Variants in OPA3 observed in about 807,000 individuals in gnomAD.
OPA3 encodes the protein outer mitochondrial membrane lipid metabolism regulator OPA3.
A neutral mutation model predicts 4.0 loss-of-function variants in OPA3; 6 were observed. The ratio of observed to expected loss-of-function variants is 1.51; its 90% CI spans 0.83 to 2.99. The LOEUF (loss-of-function observed/expected upper bound fraction) is 2.99, where lower values mean the gene tolerates loss of function less well. OPA3 is among the 30% of genes most tolerant of loss of function. OPA3 has a pLI of 0.00. For missense variants in OPA3, 235 were observed against 256.2 expected, an observed-to-expected ratio of 0.92 and a Z score of 0.56; for synonymous variants, 105 against 117.1, an observed-to-expected ratio of 0.90 and a Z score of 0.67.
At chr19:45,566,354 T>C (rs1969582147) in intron 1 of OPA3, among the ~76,000 whole-genome samples, 1 of 152,144 alleles carries the variant, frequency 6.6e-6, no homozygotes, top group Non-Finnish European at 1.5e-5. Context: ...TCTGCCATGT[T>C]GGCCAGGCTG....
intron 1 of OPA3, among the ~76,000 whole-genome samples, chr19:45,558,976 C>T (rs557615776): frequency 6.6e-5 from 10 of 152,198 alleles, no homozygotes; most frequent in South Asian, 6.2e-4. Context: ...CTCTGCCTCC[C>T]GGGTTCGAGT....
chr19:45,535,820 A>G lies in OPA3; in HGVS notation c.143-6364T>C, dbSNP rs551285762. Among the ~76,000 whole-genome samples the G allele has an allele frequency of 3.5e-5, 5 of 144,552 alleles. No homozygotes were observed. In the East Asian group the frequency reaches 8.0e-4, roughly 23 times the overall value. 94.8% of individuals were successfully genotyped at this position (144,552 alleles called of 152,430 possible). ...CACCCTGTCACCCAGGCTGGAGTGC[A>G]ATAGCACAATTATAGCTCACTATAG... On this transcript the variant is annotated intron_variant, in intron 1 of 1. Coordinates refer to the OPA3 transcript ENST00000323060.
intron 1 of OPA3, among the ~76,000 whole-genome samples, chr19:45,580,056 G>C (rs1030420042): frequency 6.6e-5 from 10 of 150,736 alleles, no homozygotes; most frequent in Non-Finnish European, 1.3e-4. Flanking sequence ...GAGTGTAGTG[G>C]CACGATCTCG....
At chr19:45,535,909 T>G (rs1273354472) in intron 1 of OPA3, among the ~76,000 whole-genome samples, 2 of 151,686 alleles carry the variant, frequency 1.3e-5, no homozygotes, top group African/African-American at 4.8e-5. Context: ...GGACTAAAGG[T>G]GCCTGCTGCC....
At chr19:45,541,421 T>G (rs539494542), downstream of OPA3, among the ~76,000 whole-genome samples, 1 of 152,122 alleles carries the variant, frequency 6.6e-6, no homozygotes, top group East Asian at 1.9e-4. Flanking sequence ...CTCATTTAAT[T>G]GGGGCCTGGT....
Position 45,551,802 on chromosome 19 carries a change from AG to A in OPA3, c.*1711del. 1.4e-5 allele frequency: 14 copies of A among 985,568 alleles called. No individual in the cohort carries two copies. The highest frequency in any genetic ancestry group is 1.7e-5 in the Non-Finnish European group (14 of 830,022). 61.1% of individuals were successfully genotyped at this position (985,568 alleles called of 1,614,324 possible). ...TGAAGACAGGCTGTCGGGTCAGTCCAGAGCTCCGAGGAAAGAAAGCAAGAGC... is the reference window on the plus strand; with the variant it reads ...TGAAGACAGGCTGTCGGGTCAGTCCAAGCTCCGAGGAAAGAAAGCAAGAGC... On this transcript the variant is annotated 3_prime_UTR_variant, in exon 2 of 2. Transcript: ENST00000263275.
At chr19:45,562,773 A>G (rs1003122946) in intron 1 of OPA3, among the ~76,000 whole-genome samples, 1 of 152,220 alleles carries the variant, frequency 6.6e-6, no homozygotes, top group African/African-American at 2.4e-5. Context: ...AAAGGACACC[A>G]GTGGAAACAC....
intron 1 of OPA3, among the ~76,000 whole-genome samples, chr19:45,560,004 C>T (rs1969481007): frequency 6.6e-6 from 1 of 152,096 alleles, no homozygotes; most frequent in Admixed American, 6.6e-5. Flanking sequence ...GGGAGAATGG[C>T]AATGACAGAG....
chr19:45,548,763 G>T lies in OPA3; in HGVS notation c.*4751C>A. The T allele has an allele frequency of 1.0e-6, 1 of 971,894 alleles. No homozygotes were observed. Among genetic ancestry groups the T allele is most frequent in the Non-Finnish European group, 1.2e-6 (1 of 818,238 alleles). The allele number at this position is 971,894 out of a possible 1,614,324, so 60.2% of individuals were successfully genotyped here. ...TTTTTGAGTGAAAGAATAAATAAAG[G>T]ATATTTTTCCTAAGGTTGACATGGA... On this transcript the variant is annotated 3_prime_UTR_variant, in exon 2 of 2. Transcript: ENST00000263275.
chr19:45,569,949 G>A (rs1969636799), intron 1 of OPA3, among the ~76,000 whole-genome samples: 1 of 152,162 alleles, frequency 6.6e-6, no homozygotes, highest in South Asian at 2.1e-4. Context: ...TTGATTTAAG[G>A]TTTGATTGAC....
chr19:45,538,990 G>A (rs1969153000), intron 1 of OPA3, among the ~76,000 whole-genome samples: 1 of 152,226 alleles, frequency 6.6e-6, no homozygotes, highest in African/African-American at 2.4e-5. Context: ...AATCATGGCA[G>A]AAGGCAAAGG....
intron 1 of OPA3, 180 bp downstream of exon 1, chr19:45,584,443 G>A (rs1318851300): frequency 1.1e-6 from 1 of 905,818 alleles, no homozygotes; most frequent in East Asian, 1.3e-4. Flanking sequence ...CTTACGCCCC[G>A]CCCCGCCCTC....
chr19:45,553,131 A>G lies in OPA3; in HGVS notation c.*383T>C. ...AGAAGGTGTTCCAGTGTAACAGATGAGTGTCCCAGTAAAGGTTAACACTGA... is the reference window on the plus strand; with the variant it reads ...AGAAGGTGTTCCAGTGTAACAGATGGGTGTCCCAGTAAAGGTTAACACTGA... On this transcript the variant is annotated 3_prime_UTR_variant, in exon 2 of 2. Transcript: ENST00000263275. 1.9e-5 allele frequency: 23 copies of G among 1,184,090 alleles called. No individual in the cohort carries two copies. Among genetic ancestry groups the G allele is most frequent in the Non-Finnish European group, 2.4e-5 (23 of 948,422 alleles). 73.3% of individuals were successfully genotyped at this position (1,184,090 alleles called of 1,614,324 possible).
Position 45,552,009 on chromosome 19 carries a change from G to C in OPA3, c.*1505C>G. On this transcript the variant is annotated 3_prime_UTR_variant, in exon 2 of 2. Transcript: ENST00000263275. Reference sequence around the variant, plus strand: ...GGAAAATAGGGGGCTGAGGCTGAAGGACAGGCTGGATTAGCCCTAGTTAGG... The same window carrying C: ...GGAAAATAGGGGGCTGAGGCTGAAGCACAGGCTGGATTAGCCCTAGTTAGG... 4 of 985,608 alleles carry C rather than the reference G, an allele frequency of 4.1e-6. No individual in the cohort carries two copies. The highest frequency in any genetic ancestry group is 4.8e-6 in the Non-Finnish European group (4 of 830,104). The allele number at this position is 985,608 out of a possible 1,614,324, so 61.1% of individuals were successfully genotyped here. A position where few individuals can be genotyped will look rare whatever the true frequency, so the allele number is the denominator to read the frequency against.
At chr19:45,570,989 G>A (rs1969656970) in intron 1 of OPA3, among the ~76,000 whole-genome samples, 2 of 114,828 alleles carry the variant, frequency 1.7e-5, no homozygotes, top group Admixed American at 9.1e-5. Context: ...GGGGGGGGGG[G>A]GCATGAATAA....
intron 1 of OPA3, among the ~76,000 whole-genome samples, chr19:45,540,013 G>A (rs1244208626): frequency 6.6e-6 from 1 of 152,038 alleles, no homozygotes; most frequent in East Asian, 1.9e-4. Context: ...TCATCAAATC[G>A]TACTCTTAAA....
rs112948303 is a variant in OPA3 at position 45,546,499 on chromosome 19, C to T, written c.*7015G>A. 11,353 of 475,044 alleles carry T rather than the reference C, an allele frequency of 0.024. 363 individuals carry two copies. Among genetic ancestry groups the T allele is most frequent in the East Asian group, 0.2 (1,274 of 6,232 alleles). The allele number at this position is 475,044 out of a possible 1,614,324, so 29.4% of individuals were successfully genotyped here. Reference sequence around the variant, plus strand: ...CACACGATGGATTACATAAACTCTGCTTTTTTTTTTTTTTGAGACAGGGTC... The same window carrying T: ...CACACGATGGATTACATAAACTCTGTTTTTTTTTTTTTTTGAGACAGGGTC... On this transcript the variant is annotated 3_prime_UTR_variant, in exon 2 of 2. Transcript: ENST00000263275.
At chr19:45,574,234 A>C (rs1347205305) in intron 1 of OPA3, among the ~76,000 whole-genome samples, 2 of 151,926 alleles carry the variant, frequency 1.3e-5, no homozygotes, top group Non-Finnish European at 2.9e-5. Flanking sequence ...TCTACTAAAA[A>C]TACAAAAAAT....
rs1049943810 is a variant in OPA3, at chr19:45,551,237, A to G, written c.*2277T>C. 6.5e-6 allele frequency: 1 copy of G among 152,828 alleles called. No homozygotes were observed. The highest frequency in any genetic ancestry group is 1.5e-5 in the Non-Finnish European group (1 of 68,606). 9.5% of individuals were successfully genotyped at this position (152,828 alleles called of 1,614,324 possible). A position where few individuals can be genotyped will look rare whatever the true frequency, so the allele number is the denominator to read the frequency against. ...TGCCCTGGTCTCCCAAAGTGCTGGG[A>G]TTACAGGTGTGAGCCACTGCACCTG... On this transcript the variant is annotated 3_prime_UTR_variant, in exon 2 of 2. Coordinates refer to ENST00000263275, the MANE Select transcript of OPA3 (RefSeq NM_025136.4).
Sources: gnomAD v4.1 joint callset for allele counts (sites outside exome capture counted in the v4.1 genomes callset) on GRCh38, gnomAD v4.1.1 for gene constraint, MANE v1.5 for transcripts, NCBI Gene and HGNC (gene_info 2026-07-23, HGNC 2026-07-21) for gene names.